The following PLCB1 variants were observed in gnomAD, a reference collection of about 807,000 sequenced individuals.
PLCB1 encodes the protein phospholipase C beta 1.
A neutral mutation model predicts 161.8 loss-of-function variants in PLCB1; 46 were observed. The observed-to-expected ratio is 0.28, with a 90% confidence interval of 0.22 to 0.36. PLCB1 has a LOEUF of 0.36. Ranked by LOEUF, PLCB1 falls within the 10% of genes least tolerant of loss-of-function variation. The probability of loss-of-function intolerance (pLI) is 1.00; values close to 1 mark genes in which losing one functional copy is unlikely to be tolerated. For missense variants in PLCB1, 1,016 were observed against 1,472.5 expected (o/e 0.69, Z 5.07); for synonymous variants, 517 against 503.7 (o/e 1.03, Z -0.35).
intron 21 of PLCB1, 55 bp downstream of exon 21, chr20:8,739,415 T>A: frequency 1.9e-6 from 2 of 1,033,024 alleles, no homozygotes; most frequent in South Asian, 1.3e-5. Context: ...AAATCATTAC[T>A]GCTTAAAATA....
At chr20:8,266,768 GTGGCTCACGCC>G (rs1981977354) in intron 2 of PLCB1, among the ~76,000 whole-genome samples, 1 of 151,968 alleles carries the variant, frequency 6.6e-6, no homozygotes, top group Non-Finnish European at 1.5e-5. Context: ...GCCGGGTGCA[GTGGCTCACGCC>G]TGTAATCCCA....
In PLCB1 at chr20:8,881,950, A is replaced by G; in HGVS notation, c.*101A>G. 1.3e-6 allele frequency: 1 copy of G among 769,758 alleles called. No individual in the cohort carries two copies. The highest frequency in any genetic ancestry group is 2.1e-6 in the Non-Finnish European group (1 of 465,380). The allele number at this position is 769,758 out of a possible 1,614,324, so 47.7% of individuals were successfully genotyped here. On this transcript the variant is annotated 3_prime_UTR_variant, in exon 32 of 32. Transcript: ENST00000338037. ...GCCCAGGACCATCTTCCCGAGAAGC[A>G]TCCCTTAGCCTAAAATCCACACCAA...
intron 31 of PLCB1, among the ~76,000 whole-genome samples, chr20:8,817,796 A>G (rs1472344092): frequency 6.6e-6 from 1 of 152,190 alleles, no homozygotes. Context: ...CAAAAACTTG[A>G]GATTTTGGAA....
intron 3 of PLCB1, among the ~76,000 whole-genome samples, chr20:8,384,556 G>A (rs950393394): frequency 6.6e-6 from 1 of 151,986 alleles, no homozygotes; most frequent in African/African-American, 2.4e-5. Flanking sequence ...GTCCAGTTCT[G>A]CACCCTTGCT....
chr20:8,367,023 A>T (rs572505519), intron 2 of PLCB1, among the ~76,000 whole-genome samples: 30 of 152,218 alleles, frequency 2.0e-4, no homozygotes, highest in Non-Finnish European at 4.3e-4. Context: ...GAGTTTCTGA[A>T]CACCTAGGAC....
chr20:8,197,265 A>G (rs1568586734), intron 2 of PLCB1, among the ~76,000 whole-genome samples: 1 of 151,426 alleles, frequency 6.6e-6, no homozygotes, highest in Non-Finnish European at 1.5e-5. Flanking sequence ...CAATGTTTGA[A>G]CCAGTCCCAC....
intron 9 of PLCB1, among the ~76,000 whole-genome samples, chr20:8,664,949 G>A (rs1351055650): frequency 6.6e-6 from 1 of 152,094 alleles, no homozygotes; most frequent in Admixed American, 6.6e-5. Context: ...TAGAATCACA[G>A]TGTCCTGAAG....
intron 2 of PLCB1, among the ~76,000 whole-genome samples, chr20:8,312,157 A>T (rs1600305497): frequency 6.6e-6 from 1 of 152,080 alleles, no homozygotes; most frequent in Non-Finnish European, 1.5e-5. Flanking sequence ...ACTCTCAGAG[A>T]GTTATCCTTG....
chr20:8,202,324 C>T (rs1448462881), intron 2 of PLCB1, among the ~76,000 whole-genome samples: 4 of 152,236 alleles, frequency 2.6e-5, no homozygotes, highest in African/African-American at 9.6e-5. Context: ...GATCCGCTTA[C>T]CTCCGCCTCC....
At chr20:8,171,236 G>C (rs1437158201) in intron 2 of PLCB1, among the ~76,000 whole-genome samples, 3 of 151,996 alleles carry the variant, frequency 2.0e-5, no homozygotes, top group African/African-American at 7.2e-5. Flanking sequence ...ATATAAGCAT[G>C]TAAAATATAT....
intron 3 of PLCB1, among the ~76,000 whole-genome samples, chr20:8,592,024 A>C (rs548843233): frequency 8.3e-4 from 127 of 152,326 alleles, no homozygotes; most frequent in African/African-American, 2.7e-3. Context: ...CTTATGTTCC[A>C]TATACACCTT....
At chr20:8,651,333 A>G (rs1989315845) in intron 7 of PLCB1, 12 of 664,906 alleles carry the variant, frequency 1.8e-5, no homozygotes, top group Non-Finnish European at 3.3e-5. Flanking sequence ...ACTTTTCAAA[A>G]CAGCAAAGTT....
At chr20:8,703,869 CGA>C (rs1180129694) in intron 11 of PLCB1, among the ~76,000 whole-genome samples, 1 of 152,084 alleles carries the variant, frequency 6.6e-6, no homozygotes. Flanking sequence ...AAGGAAGATA[CGA>C]GAGAGATTTG....
intron 2 of PLCB1, among the ~76,000 whole-genome samples, chr20:8,279,065 A>T (rs1982745847): frequency 6.6e-6 from 1 of 152,172 alleles, no homozygotes; most frequent in Non-Finnish European, 1.5e-5. Context: ...GGGAATGTAA[A>T]ATGGTCCAGC....
chr20:8,465,534 G>A (rs1389151648), intron 3 of PLCB1, among the ~76,000 whole-genome samples: 1 of 152,060 alleles, frequency 6.6e-6, no homozygotes. Flanking sequence ...TTCTCTGATT[G>A]CTCCAACTCA....
In PLCB1 at chr20:8,657,215, C is replaced by G; in HGVS notation, c.626C>G (p.Pro209Arg). The G allele has an allele frequency of 6.2e-7, 1 of 1,609,076 alleles. No individual in the cohort carries two copies. The highest frequency in any genetic ancestry group is 8.5e-7 in the Non-Finnish European group (1 of 1,175,678). The change falls in exon 8 of 32, where the codon CCA becomes CGA. Residue 209 changes from proline (P) to arginine (R), a missense_variant. Transcript: ENST00000338037. ...NDSIPQEDFT[P>R]EVYRVFLNNL... ...TCAATACCTCAAGAAGATTTCACTC[C>G]AGAAGTGTACAGAGTTTTCCTCAAC... is the stretch of plus-strand genomic sequence containing the variant.
chr20:8,240,104 A>G (rs1400984006), intron 2 of PLCB1, among the ~76,000 whole-genome samples: 1 of 151,892 alleles, frequency 6.6e-6, no homozygotes, highest in African/African-American at 2.4e-5. Context: ...TATGCCTCTG[A>G]TTTTTAAAAC....
intron 3 of PLCB1, among the ~76,000 whole-genome samples, chr20:8,398,276 T>G (rs1568661383): frequency 6.6e-6 from 1 of 152,196 alleles, no homozygotes; most frequent in African/African-American, 2.4e-5. Context: ...ATATATGTCT[T>G]AATAAATATA....
chr20:8,420,702 C>T (rs1338386632), intron 3 of PLCB1, among the ~76,000 whole-genome samples: 1 of 152,146 alleles, frequency 6.6e-6, no homozygotes, highest in Non-Finnish European at 1.5e-5. Context: ...AGCAGCATTC[C>T]TTAATGTTAT....
Sources: gnomAD v4.1 joint callset for allele counts (sites outside exome capture counted in the v4.1 genomes callset) on GRCh38, gnomAD v4.1.1 for gene constraint, MANE v1.5 for transcripts, NCBI Gene and HGNC (gene_info 2026-07-23, HGNC 2026-07-21) for gene names.